CDH12: variants seen among roughly 807,000 people sequenced by gnomAD.
CDH12 encodes the protein cadherin-12.
A neutral mutation model predicts 74.1 loss-of-function variants in CDH12; 41 were observed. That is an observed-to-expected ratio of 0.55 (90% CI 0.43 to 0.72). The LOEUF (loss-of-function observed/expected upper bound fraction) is 0.72, where lower values mean the gene tolerates loss of function less well. Among genes scored for constraint, CDH12 ranks in the 30% least tolerant of loss-of-function variants. The pLI, the probability that CDH12 is intolerant of heterozygous loss-of-function variation, is 0.00. For synonymous variants in CDH12, 399 were observed against 355.0 expected, an observed-to-expected ratio of 1.12 and a Z score of -1.39; for missense variants, 945 against 977.2, an observed-to-expected ratio of 0.97 and a Z score of 0.44.
intron 1 of CDH12, among the ~76,000 whole-genome samples, chr5:22,752,729 G>A (rs1388756377): frequency 2.1e-5 from 3 of 142,980 alleles, no homozygotes; most frequent in African/African-American, 7.9e-5. Context: ...CCGCCACTAC[G>A]CCCGGCTAAT....
intron 1 of CDH12, among the ~76,000 whole-genome samples, chr5:22,590,983 T>C (rs1006491769): frequency 6.6e-6 from 1 of 152,170 alleles, no homozygotes; most frequent in African/African-American, 2.4e-5. Flanking sequence ...CATAAATTCT[T>C]TGGGGAATAT....
intron 6 of CDH12, among the ~76,000 whole-genome samples, chr5:21,926,967 T>C (rs1754610486): frequency 1.3e-5 from 2 of 152,132 alleles, no homozygotes; most frequent in Non-Finnish European, 2.9e-5. Context: ...GTTTTTAAGA[T>C]TTTCTAGGCC....
At chr5:22,103,253 A>T (rs549140426) in intron 4 of CDH12, among the ~76,000 whole-genome samples, 10 of 152,060 alleles carry the variant, frequency 6.6e-5, no homozygotes, top group Non-Finnish European at 1.3e-4. Flanking sequence ...GATGATGATG[A>T]TTTTTCTTCT....
intron 3 of CDH12, among the ~76,000 whole-genome samples, chr5:22,364,060 G>A (rs116286756): frequency 0.011 from 1,707 of 152,296 alleles, 36 homozygotes; most frequent in African/African-American, 0.038. Flanking sequence ...TAACGCAGGT[G>A]TTGAAAGTGG....
chr5:22,329,856 T>C (rs1404118863), intron 3 of CDH12, among the ~76,000 whole-genome samples: 7 of 152,194 alleles, frequency 4.6e-5, no homozygotes, highest in Non-Finnish European at 8.8e-5. Context: ...AACTTGAGGT[T>C]CTTGGCAGGC....
At chr5:22,177,191 C>G (rs1206068831) in intron 4 of CDH12, among the ~76,000 whole-genome samples, 2 of 152,114 alleles carry the variant, frequency 1.3e-5, no homozygotes, top group Non-Finnish European at 2.9e-5. Flanking sequence ...CTGCAGAAAT[C>G]CTGATTAATG....
intron 1 of CDH12, among the ~76,000 whole-genome samples, chr5:22,710,015 C>T (rs1302133676): frequency 6.6e-6 from 1 of 152,084 alleles, no homozygotes; most frequent in African/African-American, 2.4e-5. Flanking sequence ...GAAAATGCAA[C>T]AAAATAAAGG....
At chr5:22,341,103 G>A (rs1353167560) in intron 3 of CDH12, among the ~76,000 whole-genome samples, 6 of 152,172 alleles carry the variant, frequency 3.9e-5, no homozygotes, top group Non-Finnish European at 7.4e-5. Flanking sequence ...CTCAGCTAAT[G>A]TAAATTCTCC....
chr5:22,296,806 C>T lies in CDH12; in HGVS notation c.-332-84163G>A, dbSNP rs1254148445. 3.9e-5 allele frequency among the ~76,000 whole-genome samples: 6 copies of T among 152,156 alleles called. 1 individual carries two copies. The highest frequency in any genetic ancestry group is 8.8e-5 in the Non-Finnish European group (6 of 68,020). On this transcript the variant is annotated intron_variant, in intron 3 of 14. Transcript: ENST00000382254. Reference sequence around the variant, plus strand: ...AACCTTTCTAAGCAATAAAGTTTTGCTGCTTTGCTCAATAAACAATTAAAT... The same window carrying T: ...AACCTTTCTAAGCAATAAAGTTTTGTTGCTTTGCTCAATAAACAATTAAAT...
chr5:21,830,103 G>A (rs1230269955), intron 8 of CDH12, among the ~76,000 whole-genome samples: 2 of 142,600 alleles, frequency 1.4e-5, no homozygotes, highest in Non-Finnish European at 3.0e-5. Context: ...GGAGGCTGAG[G>A]CAAGAGAATC....
At chr5:22,470,613 G>A in intron 2 of CDH12, among the ~76,000 whole-genome samples, 1 of 151,972 alleles carries the variant, frequency 6.6e-6, no homozygotes, top group East Asian at 1.9e-4. Flanking sequence ...TAGAGATAAG[G>A]TCTTGCTATG....
At chr5:22,807,684 A>G (rs1198262324) in intron 1 of CDH12, among the ~76,000 whole-genome samples, 2 of 152,234 alleles carry the variant, frequency 1.3e-5, no homozygotes, top group African/African-American at 4.8e-5. Context: ...TGTACTGAAT[A>G]CTGCAGACAA....
chr5:22,782,561 A>G (rs1747436151), intron 1 of CDH12, among the ~76,000 whole-genome samples: 2 of 152,138 alleles, frequency 1.3e-5, no homozygotes. Context: ...TTATTTATAA[A>G]CTACCCAGTC....
At chr5:22,706,506 T>C (rs1464518998) in intron 1 of CDH12, among the ~76,000 whole-genome samples, 1 of 152,024 alleles carries the variant, frequency 6.6e-6, no homozygotes, top group Non-Finnish European at 1.5e-5. Context: ...ATTTATTTGT[T>C]TTATTTCATT....
At chr5:22,371,364 A>C (rs879868799) in intron 3 of CDH12, among the ~76,000 whole-genome samples, 1 of 152,184 alleles carries the variant, frequency 6.6e-6, no homozygotes, top group Non-Finnish European at 1.5e-5. Flanking sequence ...CATTAATCTT[A>C]ACACATTTCT....
intron 1 of CDH12, among the ~76,000 whole-genome samples, chr5:22,808,051 G>A (rs1031811008): frequency 1.3e-5 from 2 of 152,098 alleles, no homozygotes; most frequent in Non-Finnish European, 2.9e-5. Context: ...TCCTATATGC[G>A]GACCTTGTTG....
chr5:22,308,819 C>CAG (rs1738240337), intron 3 of CDH12, among the ~76,000 whole-genome samples: 22 of 141,812 alleles, frequency 1.6e-4, no homozygotes, highest in Admixed American at 4.1e-4. Context: ...AACACACACA[C>CAG]ACACACACAC....
At chr5:22,117,468 AATATATATATTATATATATAT>A (rs1745199792) in intron 4 of CDH12, among the ~76,000 whole-genome samples, 1 of 75,954 alleles carries the variant, frequency 1.3e-5, no homozygotes, top group African/African-American at 5.4e-5. Context: ...TTATATATAT[AATATATATATTATATATATAT>A]TATATATATA....
rs908144822 is a variant in CDH12, at chr5:22,505,275, A to T, written c.-433T>A. ...ATAAGATTTTTTTTACCTACCTTTA[A>T]AAAGGCTGGCATTCTTTAAAACTCC... On this transcript the variant is annotated 5_prime_UTR_variant, in exon 2 of 15. Transcript: ENST00000382254. The T allele has an allele frequency of 2.0e-6, 2 of 978,552 alleles. No homozygotes were observed. Among genetic ancestry groups the T allele is most frequent in the Non-Finnish European group, 2.4e-6 (2 of 823,872 alleles). 60.6% of individuals were successfully genotyped at this position (978,552 alleles called of 1,614,324 possible).
Sources: allele counts gnomAD v4.1 joint callset (sites outside exome capture counted in the v4.1 genomes callset), GRCh38; gene constraint gnomAD v4.1.1; transcripts MANE v1.5; gene names NCBI Gene and HGNC (gene_info 2026-07-23, HGNC 2026-07-21).